TNIK: variants seen among roughly 807,000 people sequenced by gnomAD.
The protein encoded by TNIK is TRAF2 and NCK-interacting protein kinase.
Under a neutral mutation model 191.3 loss-of-function variants are expected in TNIK, and 49 were observed. That is an observed-to-expected ratio of 0.26 (90% CI 0.20 to 0.32). TNIK has a LOEUF of 0.32. TNIK is among the 10% of genes least tolerant of loss of function. TNIK has a pLI of 1.00. For missense variants in TNIK, 1,155 were observed against 1,702.3 expected, an observed-to-expected ratio of 0.68 and a Z score of 5.66; for synonymous variants, 594 against 600.9, an observed-to-expected ratio of 0.99 and a Z score of 0.17.
intron 2 of TNIK, among the ~76,000 whole-genome samples, chr3:171,238,099 G>A (rs186523562): frequency 2.6e-5 from 4 of 152,264 alleles, no homozygotes; most frequent in Non-Finnish European, 5.9e-5. Flanking sequence ...CTGCATTTGC[G>A]ATTGTGATTT....
Position 171,126,080 on chromosome 3 carries a change from G to A in TNIK, c.1845C>T (p.Pro615=), listed in dbSNP as rs766927669. Residue 615 remains proline (P), a synonymous_variant, in exon 17 of 33, where the codon CCC becomes CCT. Transcript: ENST00000436636. ...CCTGAAACCCAGAGAGGCCCTTTGT[G>A]GGCTGCTCGTGCACTGACTGGGAGG... The part of the protein sequence containing the change: ...LTASQSVHEQ[P]TKGLSGFQEA... 2.5e-6 allele frequency: 4 copies of A among 1,611,734 alleles called. No homozygotes were observed. Among genetic ancestry groups the A allele is most frequent in the Non-Finnish European group, 2.5e-6 (3 of 1,178,626 alleles).
intron 15 of TNIK, among the ~76,000 whole-genome samples, chr3:171,136,720 T>C (rs1359481467): frequency 2.0e-5 from 3 of 152,214 alleles, no homozygotes; most frequent in African/African-American, 7.2e-5. Context: ...CAACTTGGCA[T>C]GGCTAGGAAA....
chr3:171,188,119 T>C (rs1349818362), intron 7 of TNIK, among the ~76,000 whole-genome samples: 2 of 152,220 alleles, frequency 1.3e-5, no homozygotes, highest in African/African-American at 4.8e-5. Flanking sequence ...CAGCTTTGAA[T>C]GTATTAGCAA....
rs1560135513 is a variant in TNIK at position 171,116,056 on chromosome 3, T to A, written c.2121-5179A>T. ...GATCTTAATAGGTTGCTATTTTTGCTGCTGGAGACTGAAAGAAGTATTTAG... is the reference window on the plus strand; with the variant it reads ...GATCTTAATAGGTTGCTATTTTTGCAGCTGGAGACTGAAAGAAGTATTTAG... On this transcript the variant is annotated intron_variant, in intron 18 of 32. Transcript: ENST00000436636. 2.0e-5 allele frequency among the ~76,000 whole-genome samples: 3 copies of A among 152,358 alleles called. No homozygotes were observed. The South Asian group carries it at 6.2e-4, about 32-fold the overall frequency.
intron 2 of TNIK, among the ~76,000 whole-genome samples, chr3:171,264,968 T>C (rs1341040310): frequency 1.3e-5 from 2 of 152,158 alleles, no homozygotes; most frequent in Non-Finnish European, 2.9e-5. Context: ...TTAGGCCCAG[T>C]AGGCTGCCAA....
chr3:171,236,277 G>A (rs1242476623), intron 2 of TNIK, among the ~76,000 whole-genome samples: 1 of 152,170 alleles, frequency 6.6e-6, no homozygotes, highest in African/African-American at 2.4e-5. Flanking sequence ...AGAATTTGGG[G>A]AAATGTCTAC....
chr3:171,196,450 G>T (rs752176300), intron 4 of TNIK, among the ~76,000 whole-genome samples: 7 of 152,144 alleles, frequency 4.6e-5, no homozygotes, highest in Non-Finnish European at 1.0e-4. Context: ...ACCTGATCAG[G>T]CCTCTAGCTC....
intron 2 of TNIK, among the ~76,000 whole-genome samples, chr3:171,331,208 C>A (rs1756389012): frequency 6.6e-6 from 1 of 152,172 alleles, no homozygotes; most frequent in African/African-American, 2.4e-5. Context: ...GGGGCCCTGA[C>A]AGTGCGCTAC....
intron 2 of TNIK, among the ~76,000 whole-genome samples, chr3:171,309,310 A>G (rs962868846): frequency 2.6e-5 from 4 of 152,170 alleles, no homozygotes; most frequent in Non-Finnish European, 4.4e-5. Flanking sequence ...AAAGACAGCC[A>G]AATACTGTAT....
chr3:171,090,993 T>G (rs1447622113), intron 23 of TNIK, among the ~76,000 whole-genome samples: 1 of 152,224 alleles, frequency 6.6e-6, no homozygotes, highest in African/African-American at 2.4e-5. Flanking sequence ...TTATTTTATG[T>G]TCTTATTTTG....
chr3:171,237,756 T>C (rs1744468135), intron 2 of TNIK, among the ~76,000 whole-genome samples: 1 of 152,110 alleles, frequency 6.6e-6, no homozygotes, highest in Non-Finnish European at 1.5e-5. Flanking sequence ...ACCCCGTCTC[T>C]ATAAAAAATC....
chr3:171,171,421 G>C (rs959796071), intron 9 of TNIK, among the ~76,000 whole-genome samples: 1 of 151,958 alleles, frequency 6.6e-6, no homozygotes, highest in Non-Finnish European at 1.5e-5. Context: ...CTGGGTCCAG[G>C]CTGGTTCTCC....
At chr3:171,196,465 C>T (rs1738682736) in intron 4 of TNIK, among the ~76,000 whole-genome samples, 1 of 152,104 alleles carries the variant, frequency 6.6e-6, no homozygotes, top group African/African-American at 2.4e-5. Flanking sequence ...TAGCTCCAGC[C>T]ACTGATTTAC....
intron 12 of TNIK, among the ~76,000 whole-genome samples, chr3:171,140,989 G>A (rs1730746505): frequency 6.6e-6 from 1 of 152,280 alleles, no homozygotes; most frequent in South Asian, 2.1e-4. Flanking sequence ...GGCAGAGGGT[G>A]CTTTAGGATT....
intron 30 of TNIK, among the ~76,000 whole-genome samples, chr3:171,067,855 T>C (rs1718665971): frequency 6.6e-6 from 1 of 152,188 alleles, no homozygotes; most frequent in Non-Finnish European, 1.5e-5. Flanking sequence ...TCACCAGGAA[T>C]GTGAGCTGTG....
intron 1 of TNIK, among the ~76,000 whole-genome samples, chr3:171,373,985 C>G (rs909176557): frequency 3.3e-5 from 5 of 152,180 alleles, no homozygotes; most frequent in Non-Finnish European, 5.9e-5. Context: ...ACAAATGCCT[C>G]AAGAGCAAGC....
intron 2 of TNIK, among the ~76,000 whole-genome samples, chr3:171,365,196 T>TTTTTTTTTTTTC (rs1715546418): frequency 9.3e-6 from 1 of 107,020 alleles, no homozygotes; most frequent in Non-Finnish European, 1.8e-5. Flanking sequence ...TTTTTTTTTT[T>TTTTTTTTTTTTC]TTTGAGACAG....
rs118041626 is a variant in TNIK at position 171,289,003 on chromosome 3, C to T, written c.124-60782G>A. On this transcript the variant is annotated intron_variant, in intron 2 of 32. Coordinates refer to ENST00000436636, the MANE Select transcript of TNIK (RefSeq NM_015028.4). The stretch of plus-strand genomic sequence containing the variant: ...AATTGAAGAATTTGACCTGCAGGGA[C>T]GAATTGTTCAACTGATCCAATAATT... Among the ~76,000 whole-genome samples, 17 of 152,110 alleles carry T rather than the reference C, an allele frequency of 1.1e-4. No homozygotes were observed. In the East Asian group the frequency reaches 3.3e-3, roughly 29 times the overall value.
intron 6 of TNIK, among the ~76,000 whole-genome samples, chr3:171,189,783 C>T (rs1737808777): frequency 6.6e-6 from 1 of 152,110 alleles, no homozygotes; most frequent in South Asian, 2.1e-4. Flanking sequence ...AGTAAGAATG[C>T]TCTCAGGATA....
Sources: allele counts gnomAD v4.1 joint callset (sites outside exome capture counted in the v4.1 genomes callset), GRCh38; gene constraint gnomAD v4.1.1; transcripts MANE v1.5; gene names NCBI Gene and HGNC (gene_info 2026-07-23, HGNC 2026-07-21).